The following DSG3 variants were observed in gnomAD, a reference collection of about 807,000 sequenced individuals.
The protein encoded by DSG3 is desmoglein-3.
Under a neutral mutation model 85.9 loss-of-function variants are expected in DSG3, and 63 were observed. The observed-to-expected ratio is 0.73, with a 90% CI of 0.60 to 0.90. The LOEUF (loss-of-function observed/expected upper bound fraction) is 0.90, where lower values mean the gene tolerates loss of function less well. DSG3 is among the 40% of genes least tolerant of loss of function. The pLI is 0.00. For missense variants in DSG3, 1,220 were observed against 1,219.9 expected, an observed-to-expected ratio of 1.00 and a Z score of 0.00; for synonymous variants, 447 against 441.9, an observed-to-expected ratio of 1.01 and a Z score of -0.14.
intron 1 of DSG3, among the ~76,000 whole-genome samples, chr18:31,450,351 A>G (rs1011513196): frequency 1.3e-5 from 2 of 152,204 alleles, no homozygotes; most frequent in African/African-American, 2.4e-5. Flanking sequence ...CTAGCATGAC[A>G]GTTTGCTTTG....
chr18:31,460,136 TAATCTAGGG>T, intron 6 of DSG3, 125 bp downstream of exon 6: 1 of 1,026,166 alleles, frequency 9.7e-7, no homozygotes, highest in South Asian at 1.9e-5. Flanking sequence ...TTAACTTGGC[TAATCTAGGG>T]AAATTGTTTG....
chr18:31,478,259 C>T lies in DSG3; in HGVS notation c.*1999C>T, dbSNP rs2072901348. The T allele has an allele frequency of 6.6e-6, 1 of 152,222 alleles. No individual in the cohort carries two copies. The highest frequency in any genetic ancestry group is 2.1e-4 in the South Asian group (1 of 4,832). The allele number at this position is 152,222 out of a possible 1,614,324, so 9.4% of individuals were successfully genotyped here. On this transcript the variant is annotated 3_prime_UTR_variant, in exon 16 of 16. Coordinates refer to ENST00000257189, the MANE Select transcript of DSG3 (RefSeq NM_001944.3). ...CGGTGGCTCGCTCTACAGTCTAGAG[C>T]ACATGCAGCTAACTTGTGCCTCTGC...
intron 6 of DSG3, 106 bp downstream of exon 6, chr18:31,460,117 T>A (rs2072774781): frequency 3.3e-6 from 4 of 1,227,540 alleles, no homozygotes; most frequent in South Asian, 1.7e-5. Flanking sequence ...GAAAAGAGGT[T>A]CTCAGTACTT....
chr18:31,464,584 C>T (rs1216653019), intron 9 of DSG3, among the ~76,000 whole-genome samples: 1 of 152,086 alleles, frequency 6.6e-6, no homozygotes, highest in East Asian at 1.9e-4. Flanking sequence ...ATAACATAAG[C>T]ACAAGTTACA....
intron 12 of DSG3, among the ~76,000 whole-genome samples, chr18:31,470,470 A>G (rs2072849044): frequency 6.6e-6 from 1 of 152,138 alleles, no homozygotes; most frequent in African/African-American, 2.4e-5. Context: ...GTTATTATAC[A>G]CCATTTAGTT....
intron 1 of DSG3, among the ~76,000 whole-genome samples, chr18:31,455,583 T>A (rs2072737485): frequency 6.6e-6 from 1 of 152,122 alleles, no homozygotes. Flanking sequence ...GTAAAGACAA[T>A]TTCATGGAGG....
chr18:31,462,277 G>T (rs556764829), intron 8 of DSG3, among the ~76,000 whole-genome samples: 18 of 152,238 alleles, frequency 1.2e-4, no homozygotes, highest in South Asian at 4.2e-4. Context: ...TCACCATATT[G>T]ACCAGGCTGG....
chr18:31,454,522 C>A (rs1220096984), intron 1 of DSG3, among the ~76,000 whole-genome samples: 1 of 152,188 alleles, frequency 6.6e-6, no homozygotes, highest in Non-Finnish European at 1.5e-5. Context: ...TTATGTCTGA[C>A]ATAATTACTC....
intron 11 of DSG3, among the ~76,000 whole-genome samples, chr18:31,467,040 G>T (rs2072826170): frequency 6.6e-6 from 1 of 152,116 alleles, no homozygotes; most frequent in Non-Finnish European, 1.5e-5. Context: ...ACCCAAAAAA[G>T]ATTAGAGTCA....
intron 1 of DSG3, among the ~76,000 whole-genome samples, chr18:31,453,444 T>G (rs2072723321): frequency 6.6e-6 from 1 of 152,186 alleles, no homozygotes; most frequent in East Asian, 1.9e-4. Context: ...TTATACTTGC[T>G]TTTTGTTTAA....
intron 14 of DSG3, among the ~76,000 whole-genome samples, chr18:31,473,508 T>TG (rs1568091850): frequency 6.6e-6 from 1 of 152,184 alleles, no homozygotes; most frequent in East Asian, 1.9e-4. Context: ...AAAATCCGCA[T>TG]GAGATTTCCC....
rs1379823884 is a variant in DSG3, at chr18:31,477,226, G to C, written c.*966G>C. The C allele has an allele frequency of 3.3e-5, 5 of 152,286 alleles. No homozygotes were observed. The East Asian group carries it at 9.7e-4, about 29-fold the overall frequency. The allele number at this position is 152,286 out of a possible 1,614,324, so 9.4% of individuals were successfully genotyped here. On this transcript the variant is annotated 3_prime_UTR_variant, in exon 16 of 16. Transcript: ENST00000257189. The stretch of plus-strand genomic sequence containing the variant: ...GAAAGTTTAGTATAAATAATATTTT[G>C]TGTGTTTTAATCCCTTTGAAGGGAT...
intron 3 of DSG3, among the ~76,000 whole-genome samples, chr18:31,457,822 G>A (rs375772181): frequency 1.3e-5 from 2 of 151,640 alleles, no homozygotes; most frequent in East Asian, 1.9e-4. Flanking sequence ...GTAGAGACGG[G>A]GTTTCACCAT....
intron 12 of DSG3, among the ~76,000 whole-genome samples, chr18:31,471,037 T>A (rs372878730): frequency 3.2e-4 from 49 of 152,292 alleles, no homozygotes; most frequent in African/African-American, 1.2e-3. Context: ...AAGACAACCC[T>A]GGCAACAGTG....
Position 31,472,333 on chromosome 18 carries a change from G to A in DSG3, c.1947G>A (p.Gly649=), listed in dbSNP as rs148588573. 390 of 1,614,130 alleles carry A rather than the reference G, an allele frequency of 2.4e-4. No homozygotes were observed. In the African/African-American group the frequency reaches 4.4e-3, roughly 18 times the overall value. The change falls in exon 13 of 16, where the codon GGG becomes GGA. Residue 649 remains glycine (G), a synonymous_variant. Transcript: ENST00000257189. The stretch of plus-strand genomic sequence containing the variant: ...GTGACTGTGGGGCAGGTTCTACTGG[G>A]GGAGTGACAGGTGGTTTTATCCCAG... ...LTCDCGAGST[G]GVTGGFIPVP... is the part of the protein sequence containing the mutation.
At position 31,472,414 on chromosome 18, in the gene DSG3, T is replaced by C. The variant is rs1462213821; in HGVS notation, c.2028T>C (p.Pro676=). 8.1e-6 allele frequency: 13 copies of C among 1,612,448 alleles called. No homozygotes were observed. The highest frequency in any genetic ancestry group is 1.7e-5 in the Admixed American group (1 of 59,616). The change falls in exon 13 of 16, where the codon CCT becomes CCC. Residue 676 remains proline, a synonymous_variant. Transcript: ENST00000257189. The part of the protein sequence containing the change: ...IHQWGIEGAH[P]EDKEITNICV... The stretch of plus-strand genomic sequence containing the variant: ...AGTGGGGAATTGAAGGAGCCCATCC[T>C]GAAGACAAGGTAAGCATCCAGTTCA...
At chr18:31,462,349 G>A (rs1252043581) in intron 8 of DSG3, among the ~76,000 whole-genome samples, 1 of 152,214 alleles carries the variant, frequency 6.6e-6, no homozygotes, top group East Asian at 1.9e-4. Flanking sequence ...TGGGATTACA[G>A]GCATGAGCCA....
rs1235617418 is a variant in DSG3, at chr18:31,459,920, T to A, written c.593T>A (p.Ile198Asn). The A allele has an allele frequency of 6.2e-7, 1 of 1,614,050 alleles. No individual in the cohort carries two copies. Among genetic ancestry groups the A allele is most frequent in the African/African-American group, 1.3e-5 (1 of 75,034 alleles). The change falls in exon 6 of 16, where the codon ATT becomes AAT. Residue 198 changes from isoleucine to asparagine, a missense_variant. Ile to Asn is a moderately radical substitution (Grantham distance 149). Coordinates refer to ENST00000257189, the MANE Select transcript of DSG3 (RefSeq NM_001944.3). ...NHLNSKIAFK[I>N]VSQEPAGTPM... ...TTGAATTCTAAAATTGCCTTCAAAA[T>A]TGTCTCTCAGGAACCAGCAGGCACA...
Position 31,461,277 on chromosome 18 carries a change from T to G in DSG3, c.864T>G (p.Phe288Leu). 6.2e-7 allele frequency: 1 copy of G among 1,613,642 alleles called. No individual in the cohort carries two copies. The highest frequency in any genetic ancestry group is 1.1e-5 in the South Asian group (1 of 91,030). Reference sequence around the variant, plus strand: ...TTTTAAGTTCTGAATTACTTCGATTTCAAGTAACAGATTTGGATGAAGAGT... The same window carrying G: ...TTTTAAGTTCTGAATTACTTCGATTGCAAGTAACAGATTTGGATGAAGAGT... ...ENILSSELLR[F>L]QVTDLDEEYT... Residue 288 changes from phenylalanine to leucine, a missense_variant, in exon 8 of 16, where the codon TTT (phenylalanine) becomes TTG (leucine). Phe to Leu is a conservative substitution (Grantham distance 22, BLOSUM62 0). Transcript: ENST00000257189.
Sources: gnomAD v4.1 joint callset for allele counts (sites outside exome capture counted in the v4.1 genomes callset) on GRCh38, gnomAD v4.1.1 for gene constraint, MANE v1.5 for transcripts, NCBI Gene and HGNC (gene_info 2026-07-23, HGNC 2026-07-21) for gene names.